SLC7A14: variants seen among roughly 807,000 people sequenced by gnomAD.
The protein encoded by SLC7A14 is solute carrier family 7 member 14.
In SLC7A14, 37 loss-of-function variants were observed where a neutral mutation model predicts 60.2. The observed-to-expected ratio is 0.61, with a 90% CI of 0.47 to 0.81. The LOEUF is 0.81. SLC7A14 is among the 30% of genes least tolerant of loss of function. The pLI, the probability that SLC7A14 is intolerant of heterozygous loss-of-function variation, is 0.00. For missense variants in SLC7A14, 886 were observed against 982.7 expected, an observed-to-expected ratio of 0.90 and a Z score of 1.32; for synonymous variants, 399 against 395.8, an observed-to-expected ratio of 1.01 and a Z score of -0.10.
intron 2 of SLC7A14, among the ~76,000 whole-genome samples, chr3:170,513,194 C>T (rs1009200549): frequency 7.2e-5 from 11 of 152,020 alleles, no homozygotes; most frequent in African/African-American, 2.7e-4. Flanking sequence ...TTGAAAGAGG[C>T]TTTCCCACCA....
At chr3:170,533,778 C>T (rs567457992) in intron 1 of SLC7A14, among the ~76,000 whole-genome samples, 5 of 152,230 alleles carry the variant, frequency 3.3e-5, no homozygotes, top group Admixed American at 3.3e-4. Context: ...GTACGATTGG[C>T]TTTAAAACCA....
At chr3:170,577,065 C>A (rs1715112195) in intron 1 of SLC7A14, among the ~76,000 whole-genome samples, 1 of 152,204 alleles carries the variant, frequency 6.6e-6, no homozygotes, top group Non-Finnish European at 1.5e-5. Context: ...CTGGGAAAGA[C>A]TGAAAGGATG....
Position 170,477,925 on chromosome 3 carries a change from G to A in SLC7A14, c.1993+2364C>T, listed in dbSNP as rs574015977. Among the ~76,000 whole-genome samples the A allele has an allele frequency of 9.9e-4, 150 of 152,202 alleles. 2 individuals are homozygous for A. In the South Asian group the frequency reaches 0.031, roughly 31 times the overall value. On this transcript the variant is annotated intron_variant, in intron 7 of 7. Transcript: ENST00000231706. Reference sequence around the variant, plus strand: ...CTATGTATATTTGTGTCTGTGTCTTGAATAATTTGACAAATACATGACTGA... The same window carrying A: ...CTATGTATATTTGTGTCTGTGTCTTAAATAATTTGACAAATACATGACTGA...
rs116800727 is a variant in SLC7A14, at chr3:170,526,628, C to T, written c.304+5G>A. On this transcript the variant is annotated splice_donor_5th_base_variant and intron_variant, in intron 2 of 7. Coordinates refer to ENST00000231706, the MANE Select transcript of SLC7A14 (RefSeq NM_020949.3). ...CACAGTACTTCCCTGCATGGAGACA[C>T]TTACCTGATAATATGGATGCGACGG... is the stretch of plus-strand genomic sequence containing the variant. 4.6e-4 allele frequency: 747 copies of T among 1,613,446 alleles called. 4 individuals are homozygous for T. In the African/African-American group the frequency reaches 8.4e-3, roughly 18 times the overall value.
rs528777120 is a variant in SLC7A14, at chr3:170,527,845, C to T, written c.-152-757G>A. ...GGTGATGATGATCTGAGCCTGTCAA[C>T]TCACTCTCTTTTACATATAAACTCA... On this transcript the variant is annotated intron_variant, in intron 1 of 7. Coordinates refer to ENST00000231706, the MANE Select transcript of SLC7A14 (RefSeq NM_020949.3). 5.6e-4 allele frequency among the ~76,000 whole-genome samples: 86 copies of T among 152,294 alleles called. 1 individual carries two copies. Among genetic ancestry groups the T allele is most frequent in the Admixed American group, 1.9e-3 (29 of 15,296 alleles).
chr3:170,476,239 C>T lies in SLC7A14; in HGVS notation c.1993+4050G>A, dbSNP rs138529918. Among the ~76,000 whole-genome samples the T allele has an allele frequency of 6.0e-3, 917 of 152,300 alleles. 10 individuals are homozygous for T. Among genetic ancestry groups the T allele is most frequent in the African/African-American group, 0.021 (869 of 41,560 alleles). On this transcript the variant is annotated intron_variant, in intron 7 of 7. Transcript: ENST00000231706. Reference sequence around the variant, plus strand: ...GTTTCAGAAGCAACCCAGGGTGATACTGATGTGTAGCTAGGGTTGAGAATC... The same window carrying T: ...GTTTCAGAAGCAACCCAGGGTGATATTGATGTGTAGCTAGGGTTGAGAATC...
At chr3:170,471,956 C>A (rs1332546698) in intron 7 of SLC7A14, among the ~76,000 whole-genome samples, 1 of 152,132 alleles carries the variant, frequency 6.6e-6, no homozygotes, top group Non-Finnish European at 1.5e-5. Flanking sequence ...CTTTGTGCTG[C>A]AGCAGTGTCC....
In SLC7A14 at chr3:170,480,812, T is replaced by C; in HGVS notation, c.1470A>G (p.Gly490=). 6.2e-7 allele frequency: 1 copy of C among 1,614,190 alleles called. No individual in the cohort carries two copies. Among genetic ancestry groups the C allele is most frequent in the East Asian group, 2.2e-5 (1 of 44,882 alleles). ...ATTTCCCTATGAGCATCTCATTGTCTCCCAAGGATGGTAAGTTCTTGGCCC... is the reference window on the plus strand; with the variant it reads ...ATTTCCCTATGAGCATCTCATTGTCCCCCAAGGATGGTAAGTTCTTGGCCC... The part of the protein sequence containing the change: ...TCGAKNLPSL[G]DNEMLIGKSD... The change falls in exon 7 of 8, where the codon GGA becomes GGG. Residue 490 remains glycine, a synonymous_variant. Transcript: ENST00000231706.
chr3:170,513,450 A>T (rs1156813544), intron 2 of SLC7A14, among the ~76,000 whole-genome samples: 1 of 152,236 alleles, frequency 6.6e-6, no homozygotes, highest in African/African-American at 2.4e-5. Flanking sequence ...ATTTATTCCA[A>T]GTGGGAAATG....
At chr3:170,556,072 T>C (rs1714478639) in intron 1 of SLC7A14, among the ~76,000 whole-genome samples, 1 of 152,260 alleles carries the variant, frequency 6.6e-6, no homozygotes. Context: ...ATAGTGGGTG[T>C]ACCACAAATG....
chr3:170,547,893 C>A (rs1714227591), intron 1 of SLC7A14, among the ~76,000 whole-genome samples: 1 of 151,894 alleles, frequency 6.6e-6, no homozygotes, highest in Non-Finnish European at 1.5e-5. Context: ...TTATTTTTTT[C>A]TCATAAGCAA....
At chr3:170,561,660 T>C (rs958473296) in intron 1 of SLC7A14, among the ~76,000 whole-genome samples, 7 of 152,238 alleles carry the variant, frequency 4.6e-5, no homozygotes, top group Non-Finnish European at 8.8e-5. Flanking sequence ...TTGTTGATTA[T>C]GTGTTGTTTG....
chr3:170,533,650 AGTGTGTGT>A (rs55850380), intron 1 of SLC7A14, among the ~76,000 whole-genome samples: 3,209 of 149,058 alleles, frequency 0.022, 97 homozygotes, highest in African/African-American at 0.074. Flanking sequence ...CATCTGGCCC[AGTGTGTGT>A]GTGTGTGTGT....
At chr3:170,584,327 CT>C (rs2108321284) in intron 1 of SLC7A14, among the ~76,000 whole-genome samples, 1 of 152,302 alleles carries the variant, frequency 6.6e-6, no homozygotes, top group African/African-American at 2.4e-5. Context: ...CATGAAGCCC[CT>C]CCTTTGTGTA....
At chr3:170,533,681 T>TG (rs1363474665) in intron 1 of SLC7A14, among the ~76,000 whole-genome samples, 3 of 126,560 alleles carry the variant, frequency 2.4e-5, no homozygotes, top group East Asian at 2.3e-4. Context: ...GTGTGTGTGG[T>TG]GTGTGTGTGT....
intron 1 of SLC7A14, among the ~76,000 whole-genome samples, chr3:170,539,837 GTACA>G (rs1713962572): frequency 6.6e-6 from 1 of 152,040 alleles, no homozygotes; most frequent in African/African-American, 2.4e-5. Context: ...TTTCCTATAT[GTACA>G]TACCTATGAT....
intron 5 of SLC7A14, among the ~76,000 whole-genome samples, chr3:170,484,067 G>A (rs1033594043): frequency 6.6e-6 from 1 of 152,182 alleles, no homozygotes; most frequent in Non-Finnish European, 1.5e-5. Flanking sequence ...CCCAGATAAG[G>A]ACTCATATTT....
intron 1 of SLC7A14, among the ~76,000 whole-genome samples, chr3:170,581,050 A>G (rs1354454890): frequency 6.6e-6 from 1 of 152,174 alleles, no homozygotes; most frequent in Non-Finnish European, 1.5e-5. Flanking sequence ...CCAGATGCAT[A>G]AGGTTCTCCT....
At chr3:170,529,752 G>A (rs1026722622) in intron 1 of SLC7A14, among the ~76,000 whole-genome samples, 2 of 152,178 alleles carry the variant, frequency 1.3e-5, no homozygotes, top group African/African-American at 4.8e-5. Flanking sequence ...AAATTAGTTG[G>A]GGGGAGGTCA....
Sources: allele counts gnomAD v4.1 joint callset (sites outside exome capture counted in the v4.1 genomes callset), GRCh38; gene constraint gnomAD v4.1.1; transcripts MANE v1.5; gene names NCBI Gene and HGNC (gene_info 2026-07-23, HGNC 2026-07-21).